The following SP140L variants were observed in gnomAD, a reference collection of about 807,000 sequenced individuals.
The protein encoded by SP140L is nuclear body protein SP140-like protein.
In SP140L, 64 loss-of-function variants were observed where a neutral mutation model predicts 84.3. That is an observed-to-expected ratio of 0.76 (90% CI 0.62 to 0.94). The LOEUF (loss-of-function observed/expected upper bound fraction) is 0.94, where lower values mean the gene tolerates loss of function less well. Ranked by LOEUF, SP140L falls within the 40% of genes least tolerant of loss-of-function variation. The probability of loss-of-function intolerance (pLI) is 0.00; values close to 1 mark genes in which losing one functional copy is unlikely to be tolerated. For synonymous variants in SP140L, 242 were observed against 236.9 expected (o/e 1.02, Z -0.20); for missense variants, 628 against 692.5 (o/e 0.91, Z 1.05).
At chr2:230,359,953 T>TAAAGTTTGGTATTGGTGCTATACCAAACC (rs2060663140) in intron 4 of SP140L, among the ~76,000 whole-genome samples, 1 of 133,336 alleles carries the variant, frequency 7.5e-6, no homozygotes, top group Admixed American at 7.0e-5. Flanking sequence ...TATACCAAAC[T>TAAAGTTTGGTATTGGTGCTATACCAAACC]AAAGTTTGGT....
At chr2:230,347,283 G>A (rs148819325) in intron 2 of SP140L, among the ~76,000 whole-genome samples, 7 of 152,288 alleles carry the variant, frequency 4.6e-5, no homozygotes, top group East Asian at 1.9e-4. Flanking sequence ...GGGACCACAG[G>A]TTAGGCTCTG....
intron 10 of SP140L, 155 bp downstream of exon 10, chr2:230,388,788 G>T: frequency 2.7e-6 from 2 of 745,068 alleles, no homozygotes; most frequent in Non-Finnish European, 4.0e-6. Context: ...TTTCCAAAAT[G>T]TATCAAGGAA....
chr2:230,334,727 A>G (rs2059819896), intron 2 of SP140L, among the ~76,000 whole-genome samples: 1 of 152,032 alleles, frequency 6.6e-6, no homozygotes, highest in Non-Finnish European at 1.5e-5. Context: ...ATATATATAT[A>G]TATAAATGGT....
Position 230,392,117 on chromosome 2 carries a change from A to G in SP140L, c.995A>G (p.Asp332Gly), listed in dbSNP as rs771553661. The G allele has an allele frequency of 2.5e-6, 4 of 1,614,014 alleles. No homozygotes were observed. The highest frequency in any genetic ancestry group is 2.5e-6 in the Non-Finnish European group (3 of 1,179,900). The change falls in exon 12 of 19, where the codon GAT becomes GGT. Residue 332 changes from aspartate (D) to glycine (G), a missense_variant. Coordinates refer to ENST00000415673, the MANE Select transcript of SP140L (RefSeq NM_138402.6). The part of the protein sequence containing the change: ...GTLAKCIQTE[D>G]GKWFTPMEFE... The stretch of plus-strand genomic sequence containing the variant: ...TTGGCAAAGTGTATACAGACTGAGG[A>G]TGGAAAATGGTTCACCCCCATGGAA...
At chr2:230,369,209 A>G (rs1327559438) in intron 5 of SP140L, among the ~76,000 whole-genome samples, 1 of 152,182 alleles carries the variant, frequency 6.6e-6, no homozygotes, top group Non-Finnish European at 1.5e-5. Context: ...GGGCAGGTCT[A>G]TGCTGGGGCA....
At chr2:230,329,744 C>G (rs1361139953) in intron 2 of SP140L, among the ~76,000 whole-genome samples, 2 of 152,212 alleles carry the variant, frequency 1.3e-5, no homozygotes, top group Non-Finnish European at 2.9e-5. Context: ...AATTAAACCT[C>G]TTTCGTTTAT....
chr2:230,361,794 AG>A, intron 5 of SP140L, 97 bp downstream of exon 5: 1 of 897,826 alleles, frequency 1.1e-6, no homozygotes, highest in Non-Finnish European at 1.7e-6. Context: ...ATTGTGAAAC[AG>A]GGAAGACACA....
At chr2:230,394,290 G>A (rs999443684) in intron 13 of SP140L, among the ~76,000 whole-genome samples, 1 of 152,178 alleles carries the variant, frequency 6.6e-6, no homozygotes, top group East Asian at 1.9e-4. Context: ...TTCGAAGACT[G>A]GGTGTGAATG....
At chr2:230,387,393 G>A (rs1489056288) in intron 9 of SP140L, among the ~76,000 whole-genome samples, 1 of 152,044 alleles carries the variant, frequency 6.6e-6, no homozygotes, top group Non-Finnish European at 1.5e-5. Context: ...TGGTTCCTTG[G>A]GCCATTTGGG....
At position 230,334,068 on chromosome 2, in the gene SP140L, T is replaced by C. The variant is rs2059799981; in HGVS notation, c.107+5237T>C. On this transcript the variant is annotated intron_variant, in intron 2 of 18. Transcript: ENST00000415673. ...AAGAATTCATCAAGTGTCCATTGGG[T>C]GTCCATTCACATTTCAGAACGAGAC... Among the ~76,000 whole-genome samples the C allele has an allele frequency of 2.0e-5, 3 of 152,210 alleles. No homozygotes were observed. The South Asian group carries it at 6.2e-4, about 32-fold the overall frequency.
intron 7 of SP140L, among the ~76,000 whole-genome samples, chr2:230,378,489 A>G (rs1045509772): frequency 6.6e-6 from 1 of 152,150 alleles, no homozygotes; most frequent in Non-Finnish European, 1.5e-5. Flanking sequence ...CTCCTCCCAC[A>G]ATATTCTGCT....
At chr2:230,378,415 G>A (rs2061314885) in intron 7 of SP140L, among the ~76,000 whole-genome samples, 1 of 152,150 alleles carries the variant, frequency 6.6e-6, no homozygotes, top group Non-Finnish European at 1.5e-5. Context: ...GAGAAAGGGT[G>A]AAGAGCAAAA....
intron 2 of SP140L, among the ~76,000 whole-genome samples, chr2:230,356,670 T>G (rs2060558518): frequency 6.6e-6 from 1 of 152,194 alleles, no homozygotes; most frequent in Non-Finnish European, 1.5e-5. Context: ...TTTAGCTGTG[T>G]GTCTCCCTTC....
rs577814645 is a variant in SP140L, at chr2:230,389,339, C to A, written c.860-580C>A. ...GTATCCGGTTCTCAGTTCCCCACCC[C>A]CTGCTAGGTACAATTTTCAGATTAT... On this transcript the variant is annotated intron_variant, in intron 10 of 18. Coordinates refer to ENST00000415673, the MANE Select transcript of SP140L (RefSeq NM_138402.6). Among the ~76,000 whole-genome samples the A allele has an allele frequency of 4.6e-5, 7 of 152,232 alleles. No individual in the cohort carries two copies. The South Asian group carries it at 1.5e-3, about 32-fold the overall frequency.
intron 2 of SP140L, among the ~76,000 whole-genome samples, chr2:230,344,750 T>G (rs771557871): frequency 3.3e-5 from 5 of 152,206 alleles, no homozygotes; most frequent in Non-Finnish European, 7.3e-5. Context: ...CCCTTTTGGC[T>G]TCTTCTTTGA....
intron 13 of SP140L, among the ~76,000 whole-genome samples, chr2:230,396,237 A>C (rs982131819): frequency 1.3e-5 from 2 of 152,230 alleles, no homozygotes; most frequent in Non-Finnish European, 2.9e-5. Context: ...GCTGAACAGT[A>C]GTACTTGGGC....
Position 230,359,092 on chromosome 2 carries a change from A to G in SP140L, c.399A>G (p.Glu133=). ...TGTTCAGCGAGGTCAACATGCAGGA[A>G]TACCCCGATTTAATTCACATTTATA... is the stretch of plus-strand genomic sequence containing the variant. ...EALFSEVNMQ[E]YPDLIHIYKS... is the part of the protein sequence containing the mutation. Residue 133 remains glutamate (E), a synonymous_variant, in exon 4 of 19, where the codon GAA becomes GAG. Coordinates refer to ENST00000415673, the MANE Select transcript of SP140L (RefSeq NM_138402.6). 1 of 1,610,580 alleles carries G rather than the reference A, an allele frequency of 6.2e-7. No homozygotes were observed. Among genetic ancestry groups the G allele is most frequent in the Non-Finnish European group, 8.5e-7 (1 of 1,179,216 alleles).
intron 5 of SP140L, among the ~76,000 whole-genome samples, chr2:230,369,690 A>C (rs909741945): frequency 2.6e-5 from 4 of 152,188 alleles, no homozygotes; most frequent in Admixed American, 2.6e-4. Flanking sequence ...AGCTCTCAGA[A>C]ATGATTAGTG....
intron 10 of SP140L, chr2:230,388,902 A>G: frequency 6.4e-6 from 2 of 314,630 alleles, no homozygotes; most frequent in Non-Finnish European, 1.2e-5. Flanking sequence ...GGCTGAAGAT[A>G]GGCCATTGCT....
Sources: gnomAD v4.1 joint callset for allele counts (sites outside exome capture counted in the v4.1 genomes callset) on GRCh38, gnomAD v4.1.1 for gene constraint, MANE v1.5 for transcripts, NCBI Gene and HGNC (gene_info 2026-07-23, HGNC 2026-07-21) for gene names.